Variants in KIF16B observed in about 807,000 individuals in gnomAD.
KIF16B encodes kinesin-like protein KIF16B.
A neutral mutation model predicts 156.3 loss-of-function variants in KIF16B; 98 were observed. That is an observed-to-expected ratio of 0.63 (90% confidence interval 0.53 to 0.74). The LOEUF is 0.74. Ranked by LOEUF, KIF16B falls within the 30% of genes least tolerant of loss-of-function variation. The probability of loss-of-function intolerance (pLI) is 0.00; values close to 1 mark genes in which losing one functional copy is unlikely to be tolerated. For synonymous variants in KIF16B, 564 were observed against 583.7 expected, an observed-to-expected ratio of 0.97 and a Z score of 0.49; for missense variants, 1,421 against 1,606.5, an observed-to-expected ratio of 0.88 and a Z score of 1.97.
At position 16,501,033 on chromosome 20, in the gene KIF16B, T is replaced by G. The variant is rs145988320; in HGVS notation, c.1176+3339A>C. Among the ~76,000 whole-genome samples the G allele has an allele frequency of 4.5e-3, 687 of 152,270 alleles. 5 individuals carry two copies. Among genetic ancestry groups the G allele is most frequent in the Non-Finnish European group, 8.0e-3 (546 of 67,974 alleles). Reference sequence around the variant, plus strand: ...ATGCAGAAATAGCTGAAAATACATTTAAATATAATAAAAGAGAATAAAACC... The same window carrying G: ...ATGCAGAAATAGCTGAAAATACATTGAAATATAATAAAAGAGAATAAAACC... On this transcript the variant is annotated intron_variant, in intron 10 of 25. Transcript: ENST00000354981.
chr20:16,351,782 G>A (rs1405443246), intron 23 of KIF16B, among the ~76,000 whole-genome samples: 2 of 152,312 alleles, frequency 1.3e-5, no homozygotes, highest in East Asian at 1.9e-4. Flanking sequence ...CTGACCCAGG[G>A]TCTCCTGGGA....
intron 12 of KIF16B, among the ~76,000 whole-genome samples, chr20:16,475,870 T>C (rs1027327075): frequency 6.6e-6 from 1 of 152,220 alleles, no homozygotes; most frequent in African/African-American, 2.4e-5. Flanking sequence ...TGAAGCAAGA[T>C]TAGAAAAATT....
chr20:16,407,436 C>T lies in KIF16B; in HGVS notation c.1613-980G>A, dbSNP rs571823702. Among the ~76,000 whole-genome samples, 3 of 152,258 alleles carry T rather than the reference C, an allele frequency of 2.0e-5. No homozygotes were observed. In the South Asian group the frequency reaches 6.2e-4, roughly 32 times the overall value. ...AACCATGAAGAATGACAGGTGAGTG[C>T]TTAAGTGTCTAGCACACTTAGCTGA... On this transcript the variant is annotated intron_variant, in intron 15 of 25. Transcript: ENST00000354981.
intron 25 of KIF16B, among the ~76,000 whole-genome samples, chr20:16,276,363 AC>A (rs1396398852): frequency 6.6e-6 from 1 of 152,224 alleles, no homozygotes; most frequent in East Asian, 1.9e-4. Context: ...AGAGAACAAT[AC>A]AACTGTCAGG....
At chr20:16,516,261 G>C (rs1164178924) in intron 3 of KIF16B, among the ~76,000 whole-genome samples, 1 of 152,122 alleles carries the variant, frequency 6.6e-6, no homozygotes, top group Non-Finnish European at 1.5e-5. Flanking sequence ...GGATGGAGAG[G>C]GCAGGGAGAC....
intron 24 of KIF16B, among the ~76,000 whole-genome samples, chr20:16,322,540 G>C (rs2063787223): frequency 6.6e-6 from 1 of 151,976 alleles, no homozygotes; most frequent in African/African-American, 2.4e-5. Context: ...CTAGCTATAT[G>C]TATATGTATG....
intron 22 of KIF16B, among the ~76,000 whole-genome samples, chr20:16,361,231 A>G (rs537981183): frequency 6.6e-6 from 1 of 152,344 alleles, no homozygotes; most frequent in South Asian, 2.1e-4. Flanking sequence ...TGTCTCAAGT[A>G]CCTATTATGC....
chr20:16,437,071 AT>A (rs1462988963), intron 12 of KIF16B, among the ~76,000 whole-genome samples: 1 of 152,224 alleles, frequency 6.6e-6, no homozygotes, highest in Non-Finnish European at 1.5e-5. Flanking sequence ...TAGATTACTT[AT>A]CATACCAAAT....
At chr20:16,373,315 G>A (rs2064868349) in intron 20 of KIF16B, among the ~76,000 whole-genome samples, 1 of 152,192 alleles carries the variant, frequency 6.6e-6, no homozygotes, top group South Asian at 2.1e-4. Flanking sequence ...TGAGGCTCAT[G>A]CCATTCTGAG....
At chr20:16,396,646 C>CG (rs1398239499) in intron 17 of KIF16B, among the ~76,000 whole-genome samples, 15 of 133,588 alleles carry the variant, frequency 1.1e-4, no homozygotes, top group Admixed American at 2.9e-4. Context: ...TAACTGTAGT[C>CG]GCTTTTTTTT....
intron 3 of KIF16B, among the ~76,000 whole-genome samples, chr20:16,519,596 A>G (rs1462314908): frequency 6.6e-6 from 1 of 152,182 alleles, no homozygotes; most frequent in African/African-American, 2.4e-5. Context: ...AAAAATTCAG[A>G]TCTAATTCAG....
At position 16,447,760 on chromosome 20, in the gene KIF16B, C is replaced by T. The variant is rs575054647; in HGVS notation, c.1303-17778G>A. Among the ~76,000 whole-genome samples, 6 of 152,216 alleles carry T rather than the reference C, an allele frequency of 3.9e-5. No individual in the cohort carries two copies. The East Asian group carries it at 1.2e-3, about 29-fold the overall frequency. ...TGTAAACTAAATTCAATATTTCTAA[C>T]AAACTAGAAATATTGGTTATATGGG... On this transcript the variant is annotated intron_variant, in intron 12 of 25. Transcript: ENST00000354981.
At chr20:16,423,280 G>A (rs1281716937) in intron 15 of KIF16B, among the ~76,000 whole-genome samples, 1 of 152,058 alleles carries the variant, frequency 6.6e-6, no homozygotes, top group African/African-American at 2.4e-5. Context: ...AACAAATGTT[G>A]ACTAGTTCTG....
At chr20:16,534,521 C>G (rs1280708656) in intron 1 of KIF16B, among the ~76,000 whole-genome samples, 1 of 152,126 alleles carries the variant, frequency 6.6e-6, no homozygotes, top group African/African-American at 2.4e-5. Flanking sequence ...TTTAACATAG[C>G]CCCTTCTGTC....
intron 22 of KIF16B, among the ~76,000 whole-genome samples, chr20:16,360,041 A>G (rs2064522652): frequency 6.6e-6 from 1 of 152,246 alleles, no homozygotes; most frequent in African/African-American, 2.4e-5. Context: ...GAACAGCTAC[A>G]GAAATGAACA....
chr20:16,433,060 A>G (rs2066545276), intron 12 of KIF16B, among the ~76,000 whole-genome samples: 1 of 152,198 alleles, frequency 6.6e-6, no homozygotes, highest in African/African-American at 2.4e-5. Flanking sequence ...CTCGGATATT[A>G]GCAGAATTCA....
At chr20:16,405,278 C>T (rs747030289) in intron 16 of KIF16B, among the ~76,000 whole-genome samples, 12 of 152,090 alleles carry the variant, frequency 7.9e-5, no homozygotes, top group African/African-American at 1.7e-4. Context: ...ACACTTAGAA[C>T]GATAAAGAAG....
intron 12 of KIF16B, among the ~76,000 whole-genome samples, chr20:16,476,536 C>A (rs369731794): frequency 6.6e-6 from 1 of 152,004 alleles, no homozygotes; most frequent in African/African-American, 2.4e-5. Context: ...AAATACAAGC[C>A]CTTTATTCAA....
intron 25 of KIF16B, among the ~76,000 whole-genome samples, chr20:16,302,613 C>G (rs983771772): frequency 2.0e-5 from 3 of 152,168 alleles, no homozygotes. Flanking sequence ...GACATCCTAA[C>G]AGTGTTGAGT....
Sources: allele counts gnomAD v4.1 joint callset (sites outside exome capture counted in the v4.1 genomes callset), GRCh38; gene constraint gnomAD v4.1.1; transcripts MANE v1.5; gene names NCBI Gene and HGNC (gene_info 2026-07-23, HGNC 2026-07-21).